The following GATA4 variants were observed in gnomAD, a reference collection of about 807,000 sequenced individuals.
GATA4 encodes the protein GATA binding protein 4, also known as transcription factor GATA-4.
A neutral mutation model predicts 37.9 loss-of-function variants in GATA4; 7 were observed. The ratio of observed to expected loss-of-function variants is 0.18; its 90% CI spans 0.11 to 0.35. The LOEUF is 0.35. GATA4 is among the 10% of genes least tolerant of loss of function. The pLI is 1.00. For synonymous variants in GATA4, 372 were observed against 292.6 expected (o/e 1.27, Z -2.77); for missense variants, 647 against 653.0 (o/e 0.99, Z 0.10).
intron 4 of GATA4, among the ~76,000 whole-genome samples, chr8:11,752,149 AG>A (rs1802333437): frequency 6.6e-6 from 1 of 152,204 alleles, no homozygotes; most frequent in South Asian, 2.1e-4. Flanking sequence ...AAAATGAAAA[AG>A]CACATTGCAA....
chr8:11,703,607 C>G (rs1799762940), upstream of GATA4, among the ~76,000 whole-genome samples: 1 of 152,234 alleles, frequency 6.6e-6, no homozygotes, highest in Non-Finnish European at 1.5e-5. Flanking sequence ...AAAATTGAGG[C>G]TGAGGCCTGG....
At chr8:11,688,600 CAG>C (rs1189187906), upstream of GATA4, among the ~76,000 whole-genome samples, 1 of 152,150 alleles carries the variant, frequency 6.6e-6, no homozygotes, top group African/African-American at 2.4e-5. Context: ...ATGTGATGCC[CAG>C]AGTCAGTGGG....
chr8:11,749,097 C>T lies in GATA4; in HGVS notation c.786+12C>T. The T allele has an allele frequency of 6.2e-7, 1 of 1,613,666 alleles. No individual in the cohort carries two copies. Among genetic ancestry groups the T allele is most frequent in the East Asian group, 2.2e-5 (1 of 44,870 alleles). ...CTCAGCGCCGGCTGGTAAGCACGTG[C>T]CTCGCAGCCTCCTCTGGGCACCTGG... On this transcript the variant is annotated intron_variant, in intron 3 of 6. Transcript: ENST00000532059. This position sits in a 1 kb window ranked among gnomAD's most constrained non-coding sequence, Gnocchi z 4.6.
intron 2 of GATA4, among the ~76,000 whole-genome samples, chr8:11,744,121 T>C (rs989632034): frequency 6.6e-6 from 1 of 152,188 alleles, no homozygotes; most frequent in Admixed American, 6.6e-5. Flanking sequence ...ATTCTGAGTA[T>C]AGCCCCAGTG....
chr8:11,750,627 A>T (rs886919478), intron 4 of GATA4, among the ~76,000 whole-genome samples: 1 of 152,130 alleles, frequency 6.6e-6, no homozygotes, highest in Admixed American at 6.6e-5. Context: ...CATGTAAAAC[A>T]TCTTTGAAAT....
At position 11,695,133 on chromosome 8, in the gene GATA4, C is replaced by T. The variant is rs1477549977; in HGVS notation, c.-729+2473C>T. 9.2e-5 allele frequency among the ~76,000 whole-genome samples: 14 copies of T among 152,302 alleles called. No homozygotes were observed. In the East Asian group the frequency reaches 1.5e-3, roughly 17 times the overall value. On this transcript the variant is annotated intron_variant, in intron 1 of 2. Transcript: ENST00000526974. ...GAATGACAGCCAGAGGCTGGGGGCG[C>T]GGTGGCTCACTCCTTTAATCCCAGC...
chr8:11,718,002 C>T (rs1331596581), intron 2 of GATA4, among the ~76,000 whole-genome samples: 4 of 152,246 alleles, frequency 2.6e-5, no homozygotes, highest in East Asian at 1.9e-4. Context: ...TCAAAAATCC[C>T]TTTCCTAAGA....
chr8:11,720,155 G>C (rs539624404), intron 2 of GATA4, among the ~76,000 whole-genome samples: 1 of 151,606 alleles, frequency 6.6e-6, no homozygotes, highest in Non-Finnish European at 1.5e-5. Context: ...TGCTTGTGTG[G>C]CCATTTGTAA....
At chr8:11,745,505 G>A (rs1801987171) in intron 2 of GATA4, among the ~76,000 whole-genome samples, 1 of 151,802 alleles carries the variant, frequency 6.6e-6, no homozygotes, top group African/African-American at 2.4e-5. Context: ...AGGATTGCTT[G>A]AGCCTAGGAG....
chr8:11,687,056 G>A (rs776113731), intron 1 of GATA4, among the ~76,000 whole-genome samples: 1 of 152,056 alleles, frequency 6.6e-6, no homozygotes, highest in African/African-American at 2.4e-5. Context: ...TCTAGGAAGG[G>A]GATTAACTCC....
rs1213419488 is a variant in GATA4, at chr8:11,709,574, G to GC, written c.616+647dup. 2.5e-5 allele frequency among the ~76,000 whole-genome samples: 3 copies of GC among 120,828 alleles called. No homozygotes were observed. Among genetic ancestry groups the GC allele is most frequent in the African/African-American group, 5.3e-5 (2 of 38,094 alleles). 79.3% of individuals were successfully genotyped at this position (120,828 alleles called of 152,430 possible). A position where few individuals can be genotyped will look rare whatever the true frequency, so the allele number is the denominator to read the frequency against. On this transcript the variant is annotated intron_variant, in intron 2 of 6. Transcript: ENST00000532059. The surrounding 1 kb of genome is among the most constrained non-coding windows in gnomAD (Gnocchi z 4.3). Reference sequence around the variant, plus strand: ...AGCGCGTGGGCGCATCATGCGGGCAGCGGGGGGGGGGGCGCACACGCCCGG... The same window carrying GC: ...AGCGCGTGGGCGCATCATGCGGGCAGCCGGGGGGGGGGGCGCACACGCCCGG...
chr8:11,711,124 G>A (rs1399210879), intron 2 of GATA4, among the ~76,000 whole-genome samples: 1 of 152,162 alleles, frequency 6.6e-6, no homozygotes, highest in African/African-American at 2.4e-5. Context: ...ACAAAAAACC[G>A]AAATACCATG....
chr8:11,755,206 C>A, intron 5 of GATA4, 73 bp downstream of exon 5: 1 of 1,323,034 alleles, frequency 7.6e-7, no homozygotes, highest in Non-Finnish European at 1.1e-6. Context: ...TCATATCTTC[C>A]GGGTTAGGCA....
intron 2 of GATA4, among the ~76,000 whole-genome samples, chr8:11,735,614 G>C (rs1164860301): frequency 6.6e-6 from 1 of 152,106 alleles, no homozygotes; most frequent in Non-Finnish European, 1.5e-5. Context: ...CCAGGCTGGA[G>C]TGCAATGGTG....
At chr8:11,683,657 G>T (rs1351720404) in intron 1 of GATA4, among the ~76,000 whole-genome samples, 2 of 152,180 alleles carry the variant, frequency 1.3e-5, no homozygotes, top group Admixed American at 1.3e-4. Context: ...CCCAAGATGA[G>T]GACTAAAGCC....
chr8:11,683,430 CG>C (rs1799040891), intron 1 of GATA4, among the ~76,000 whole-genome samples: 1 of 149,476 alleles, frequency 6.7e-6, no homozygotes, highest in African/African-American at 2.5e-5. Context: ...TTGGAGGTAT[CG>C]TTTTTTTTCT....
At chr8:11,743,261 A>T (rs1801848160) in intron 2 of GATA4, among the ~76,000 whole-genome samples, 1 of 152,244 alleles carries the variant, frequency 6.6e-6, no homozygotes, top group African/African-American at 2.4e-5. Context: ...GTTAGCATGG[A>T]TTTTGCCAAC....
chr8:11,757,061 G>A lies in GATA4; in HGVS notation c.1127G>A (p.Gly376Glu), dbSNP rs760239653. ...GAGCCTGGCCTGTCATCTCACTACG[G>A]GCACAGCAGCTCCGTGTCCCAGGTA... Reference protein sequence around the residue: ...KTEPGLSSHYGHSSSVSQTFS... With the variant: ...KTEPGLSSHYEHSSSVSQTFS... The change falls in exon 6 of 7, where the codon GGG (glycine) becomes GAG (glutamate). Residue 376 changes from glycine (G) to glutamate (E), a missense_variant. Around this residue, in one of 5 missense-constraint regions of GATA4, gnomAD observed 184 missense variants for 157.1 expected, o/e 1.17. Transcript: ENST00000532059. 2 of 1,614,160 alleles carry A rather than the reference G, an allele frequency of 1.2e-6. No homozygotes were observed. Among genetic ancestry groups the A allele is most frequent in the East Asian group, 2.2e-5 (1 of 44,884 alleles).
At chr8:11,685,655 C>A (rs977120888) in intron 1 of GATA4, among the ~76,000 whole-genome samples, 2 of 152,178 alleles carry the variant, frequency 1.3e-5, no homozygotes, top group African/African-American at 4.8e-5. Context: ...GGAAGAGATT[C>A]CCCTCCCCAT....
Sources: gnomAD v4.1 joint callset for allele counts (sites outside exome capture counted in the v4.1 genomes callset) on GRCh38, gnomAD v4.1.1 for gene constraint, gnomAD v4.1.1 regional missense constraint, Gnocchi (gnomAD v3.1) non-coding constraint, MANE v1.5 for transcripts, NCBI Gene and HGNC (gene_info 2026-07-23, HGNC 2026-07-21) for gene names.